The following DMD variants were observed in gnomAD, a reference collection of about 807,000 sequenced individuals.
DMD encodes the protein dystrophin.
In DMD, 63 loss-of-function variants were observed where a neutral mutation model predicts 330.1. The observed-to-expected ratio is 0.19, with a 90% confidence interval of 0.16 to 0.24. The LOEUF is 0.24. Ranked by LOEUF, DMD falls within the 10% of genes least tolerant of loss-of-function variation. The pLI is 1.00. For synonymous variants in DMD, 1,223 were observed against 959.8 expected, an observed-to-expected ratio of 1.27 and a Z score of -5.07; for missense variants, 3,344 against 2,684.1, an observed-to-expected ratio of 1.25 and a Z score of -5.43.
Position 31,139,472 on chromosome X carries a change from TATACAC to T in DMD, c.10922-5284_10922-5279del, listed in dbSNP as rs1427094762. On this transcript the variant is annotated intron_variant, in intron 76 of 78. Coordinates refer to ENST00000357033, the MANE Select transcript of DMD (RefSeq NM_004006.3). Reference sequence around the variant, plus strand: ...AAATGCAGTATGTACGTGGTGTTTATATACACACACACACACACACACACACACACA... The same window carrying T: ...AAATGCAGTATGTACGTGGTGTTTATACACACACACACACACACACACACA... Among the ~76,000 whole-genome samples, 127 of 83,481 alleles carry T rather than the reference TATACAC, an allele frequency of 1.5e-3. 1 individual carries two copies. Among genetic ancestry groups the T allele is most frequent in the African/African-American group, 5.3e-3 (120 of 22,459 alleles). 72.5% of individuals were successfully genotyped at this position (83,481 alleles called of 115,157 possible).
intron 1 of DMD, among the ~76,000 whole-genome samples, chrX:33,169,454 G>A (rs1031095811): frequency 9.0e-6 from 1 of 111,247 alleles, no homozygotes; most frequent in Non-Finnish European, 1.9e-5. Context: ...AAAGACAGAT[G>A]CTCCCTTCCA....
At chrX:32,298,746 G>T (rs913668237) in intron 42 of DMD, among the ~76,000 whole-genome samples, 3 of 110,734 alleles carry the variant, frequency 2.7e-5, no homozygotes, top group African/African-American at 9.9e-5. Flanking sequence ...GGGGAGGTGG[G>T]AAAGGGGATA....
chrX:33,082,430 A>G (rs956780593), intron 1 of DMD, among the ~76,000 whole-genome samples: 1 of 112,534 alleles, frequency 8.9e-6, no homozygotes, highest in Non-Finnish European at 1.9e-5. Flanking sequence ...GGAAAATTCA[A>G]GAGAGGAAAT....
intron 55 of DMD, among the ~76,000 whole-genome samples, chrX:31,582,663 T>C (rs1429877049): frequency 6.3e-5 from 7 of 111,413 alleles, no homozygotes; most frequent in Non-Finnish European, 1.3e-4. Context: ...ACTCTCTGTA[T>C]GGTAATCTCA....
chrX:32,070,605 G>A (rs1225281152), intron 44 of DMD, among the ~76,000 whole-genome samples: 1 of 111,044 alleles, frequency 9.0e-6, no homozygotes, highest in African/African-American at 3.3e-5. Flanking sequence ...GTATGTACGT[G>A]TGTCTATATA....
rs141622136 is a variant in DMD at position 32,488,128 on chromosome X, T to C, written c.2623-3029A>G. Reference sequence around the variant, plus strand: ...ATAAAACATTTGGGCAAATGTTCAGTTGAGACCTTAATGTTCTGAGAATAA... The same window carrying C: ...ATAAAACATTTGGGCAAATGTTCAGCTGAGACCTTAATGTTCTGAGAATAA... On this transcript the variant is annotated intron_variant, in intron 20 of 78. Coordinates refer to ENST00000357033, the MANE Select transcript of DMD (RefSeq NM_004006.3). Among the ~76,000 whole-genome samples the C allele has an allele frequency of 4.3e-3, 477 of 111,792 alleles. 2 individuals are homozygous for C. Among genetic ancestry groups the C allele is most frequent in the African/African-American group, 0.015 (450 of 30,820 alleles).
intron 18 of DMD, among the ~76,000 whole-genome samples, chrX:32,513,273 G>A (rs2045528127): frequency 8.9e-6 from 1 of 112,222 alleles, no homozygotes; most frequent in Non-Finnish European, 1.9e-5. Flanking sequence ...ATCAGTAGCT[G>A]ATTTTATCTT....
intron 16 of DMD, among the ~76,000 whole-genome samples, chrX:32,563,776 C>G (rs755707017): frequency 2.7e-5 from 3 of 111,970 alleles, no homozygotes; most frequent in Non-Finnish European, 5.6e-5. Context: ...ATAGTGTATT[C>G]CCAAGAAGCT....
intron 2 of DMD, among the ~76,000 whole-genome samples, chrX:32,965,984 A>G (rs2092136564): frequency 8.9e-6 from 1 of 112,027 alleles, no homozygotes; most frequent in Non-Finnish European, 1.9e-5. Flanking sequence ...GCAAGCATAA[A>G]TAACCATCAT....
chrX:32,155,498 T>C (rs1380285417), intron 44 of DMD: 4 of 691,431 alleles, frequency 5.8e-6, no homozygotes, highest in Non-Finnish European at 6.9e-6. Context: ...GGATGCTGAA[T>C]GGCACATCAG....
chrX:32,597,301 G>T (rs1453239611), intron 12 of DMD, among the ~76,000 whole-genome samples: 1 of 111,012 alleles, frequency 9.0e-6, no homozygotes, highest in Admixed American at 9.6e-5. Context: ...TAGTCCTTTT[G>T]TCTCTACTTA....
intron 48 of DMD, among the ~76,000 whole-genome samples, chrX:31,874,696 G>A (rs2093942182): frequency 9.0e-6 from 1 of 110,678 alleles, no homozygotes; most frequent in Non-Finnish European, 1.9e-5. Flanking sequence ...CTTCGCCTGG[G>A]CTCATCTTTG....
At chrX:33,029,632 G>A (rs1484449102) in intron 1 of DMD, among the ~76,000 whole-genome samples, 1 of 112,208 alleles carries the variant, frequency 8.9e-6, no homozygotes, top group African/African-American at 3.2e-5. Flanking sequence ...TTAGCAAATT[G>A]GAGTTATGGT....
At chrX:32,537,361 T>A (rs755793061) in intron 17 of DMD, among the ~76,000 whole-genome samples, 36 of 110,986 alleles carry the variant, frequency 3.2e-4, no homozygotes, top group African/African-American at 1.2e-3. Flanking sequence ...CCCCAAAAAA[T>A]AAAGCATCAT....
intron 57 of DMD, among the ~76,000 whole-genome samples, chrX:31,495,264 C>T (rs2069727283): frequency 9.1e-6 from 1 of 110,476 alleles, no homozygotes; most frequent in Non-Finnish European, 1.9e-5. Flanking sequence ...CTCAAGATGC[C>T]ACCTTTGGCT....
At chrX:32,920,030 T>C (rs1325330042) in intron 2 of DMD, among the ~76,000 whole-genome samples, 2 of 111,631 alleles carry the variant, frequency 1.8e-5, no homozygotes, top group Non-Finnish European at 3.8e-5. Context: ...ATTTTGTTTA[T>C]TGATGTCATT....
At chrX:33,161,612 G>GA (rs1405487692) in intron 1 of DMD, among the ~76,000 whole-genome samples, 1 of 110,879 alleles carries the variant, frequency 9.0e-6, no homozygotes, top group Non-Finnish European at 1.9e-5. Context: ...ATTCTTCCCA[G>GA]AATAACCTTT....
chrX:31,754,451 AAGAG>A (rs1331062673), intron 51 of DMD, among the ~76,000 whole-genome samples: 1 of 110,956 alleles, frequency 9.0e-6, no homozygotes, highest in Admixed American at 9.7e-5. Flanking sequence ...GGCAGGGAAA[AAGAG>A]AGAGAGACAG....
chrX:32,189,384 A>G (rs948155274), intron 44 of DMD, among the ~76,000 whole-genome samples: 1 of 108,754 alleles, frequency 9.2e-6, no homozygotes, highest in Admixed American at 9.9e-5. Flanking sequence ...AAAAAAAAAA[A>G]CAACTTTGTT....
Sources: allele counts gnomAD v4.1 joint callset (sites outside exome capture counted in the v4.1 genomes callset), GRCh38; gene constraint gnomAD v4.1.1; transcripts MANE v1.5; gene names NCBI Gene and HGNC (gene_info 2026-07-23, HGNC 2026-07-21).